The following PCDH7 variants were observed in gnomAD, a reference collection of about 807,000 sequenced individuals.
PCDH7 encodes the protein protocadherin 7.
PCDH7 carries 17 observed loss-of-function variants against 58.9 expected under a neutral mutation model. The observed-to-expected ratio is 0.29, with a 90% CI of 0.20 to 0.43. The LOEUF (loss-of-function observed/expected upper bound fraction) is 0.43, where lower values mean the gene tolerates loss of function less well. PCDH7 is among the 20% of genes least tolerant of loss of function. The probability of loss-of-function intolerance (pLI) is 1.00; values close to 1 mark genes in which losing one functional copy is unlikely to be tolerated. For synonymous variants in PCDH7, 664 were observed against 616.4 expected, an observed-to-expected ratio of 1.08 and a Z score of -1.14; for missense variants, 1,274 against 1,441.0, an observed-to-expected ratio of 0.88 and a Z score of 1.88.
At chr4:30,888,704 T>G (rs144769605) in intron 1 of PCDH7, among the ~76,000 whole-genome samples, 2 of 152,116 alleles carry the variant, frequency 1.3e-5, no homozygotes, top group African/African-American at 4.8e-5. Flanking sequence ...TGAAGTGATA[T>G]CTGAGATTTG....
chr4:30,944,293 T>G (rs909433699), intron 2 of PCDH7, among the ~76,000 whole-genome samples: 8 of 152,098 alleles, frequency 5.3e-5, no homozygotes, highest in Non-Finnish European at 1.5e-5. Flanking sequence ...TTCTTCTCAC[T>G]TTTTTTAAAT....
chr4:30,999,522 A>T (rs1169634229), intron 3 of PCDH7, among the ~76,000 whole-genome samples: 3 of 152,258 alleles, frequency 2.0e-5, no homozygotes, highest in South Asian at 4.1e-4. Flanking sequence ...TGAATAGAGC[A>T]TCCTTAATAC....
intron 1 of PCDH7, among the ~76,000 whole-genome samples, chr4:30,883,375 C>CT (rs779559641): frequency 8.5e-5 from 13 of 152,130 alleles, no homozygotes; most frequent in Non-Finnish European, 1.5e-4. Flanking sequence ...ACATGTATAA[C>CT]TTTTTTTGTT....
At chr4:30,866,706 A>T (rs975915678) in intron 1 of PCDH7, among the ~76,000 whole-genome samples, 1 of 152,096 alleles carries the variant, frequency 6.6e-6, no homozygotes, top group African/African-American at 2.4e-5. Context: ...GCAAAAAAAA[A>T]AAAAAAGTAT....
chr4:31,061,189 T>A (rs73218810), intron 3 of PCDH7, among the ~76,000 whole-genome samples: 10,463 of 151,790 alleles, frequency 0.069, 515 homozygotes, highest in Middle Eastern at 0.12. Flanking sequence ...GTCAGTGTTT[T>A]ACTTACAAGT....
chr4:30,934,285 T>A (rs1221354672), intron 2 of PCDH7, among the ~76,000 whole-genome samples: 1 of 14,388 alleles, frequency 7.0e-5, no homozygotes, highest in Non-Finnish European at 1.7e-4. Context: ...AAATTAGTTC[T>A]GTCAATTGCT....
At chr4:30,862,991 G>A (rs995751635) in intron 1 of PCDH7, among the ~76,000 whole-genome samples, 31 of 152,046 alleles carry the variant, frequency 2.0e-4, no homozygotes, top group African/African-American at 7.5e-4. Flanking sequence ...CAACAGATAA[G>A]TACTAAAGTA....
chr4:30,790,544 T>C (rs867911038), intron 1 of PCDH7, among the ~76,000 whole-genome samples: 1 of 152,198 alleles, frequency 6.6e-6, no homozygotes, highest in Non-Finnish European at 1.5e-5. Context: ...TTGCATTACT[T>C]AAGATGGGAA....
chr4:30,852,721 T>G (rs922641813), intron 1 of PCDH7, among the ~76,000 whole-genome samples: 3 of 150,348 alleles, frequency 2.0e-5, no homozygotes, highest in African/African-American at 7.4e-5. Flanking sequence ...CTGACAGAAT[T>G]CCAGCATTAT....
chr4:31,076,375 A>G (rs552993861), intron 3 of PCDH7, among the ~76,000 whole-genome samples: 1 of 152,356 alleles, frequency 6.6e-6, no homozygotes, highest in Admixed American at 6.5e-5. Flanking sequence ...TAAAAAAAGA[A>G]ACACATTTAA....
intron 3 of PCDH7, among the ~76,000 whole-genome samples, chr4:31,041,754 C>T (rs1427797237): frequency 6.6e-6 from 1 of 152,002 alleles, no homozygotes; most frequent in Non-Finnish European, 1.5e-5. Context: ...CAATATGCTT[C>T]TTTATGATGA....
Position 30,780,245 on chromosome 4 carries a change from C to T in PCDH7, c.70+55649C>T, listed in dbSNP as rs183917968. Among the ~76,000 whole-genome samples, 676 of 152,210 alleles carry T rather than the reference C, an allele frequency of 4.4e-3. 1 individual carries two copies. The highest frequency in any genetic ancestry group is 8.2e-3 in the Admixed American group (126 of 15,282). On this transcript the variant is annotated intron_variant, in intron 1 of 3. Coordinates refer to the PCDH7 transcript ENST00000509759. ...TTCTGGCCAGGCGGGGTGGCTGACG[C>T]CTGTAATCCTAGCACTTTGGGAGGT...
chr4:30,793,381 C>T (rs1724381069), intron 1 of PCDH7, among the ~76,000 whole-genome samples: 1 of 152,028 alleles, frequency 6.6e-6, no homozygotes. Flanking sequence ...TAGTAGTTAC[C>T]AAGCTGAAAT....
At chr4:30,933,265 T>C (rs1431530154) in intron 2 of PCDH7, among the ~76,000 whole-genome samples, 1 of 152,094 alleles carries the variant, frequency 6.6e-6, no homozygotes, top group Non-Finnish European at 1.5e-5. Flanking sequence ...GACCTCGTGA[T>C]CTGCCTGCCT....
chr4:30,737,831 A>C (rs1021360565), downstream of PCDH7, among the ~76,000 whole-genome samples: 2 of 152,214 alleles, frequency 1.3e-5, no homozygotes, highest in African/African-American at 4.8e-5. Context: ...GAAAAAATCC[A>C]GGTTAGTAGA....
rs139071882 is a variant in PCDH7 at position 30,870,492 on chromosome 4, T to G, written c.71-49661T>G. ...GAATTTTTAAAAAGAAGTTTAAAACTAGAATGTCTCATTTGGAAATTTTTG... is the reference window on the plus strand; with the variant it reads ...GAATTTTTAAAAAGAAGTTTAAAACGAGAATGTCTCATTTGGAAATTTTTG... On this transcript the variant is annotated intron_variant, in intron 1 of 3. Coordinates refer to the PCDH7 transcript ENST00000509759. Among the ~76,000 whole-genome samples the G allele has an allele frequency of 5.8e-3, 878 of 152,248 alleles. 8 individuals carry two copies. Among genetic ancestry groups the G allele is most frequent in the South Asian group, 0.022 (106 of 4,820 alleles).
chr4:31,133,099 T>TTCTGC (rs1411608887), intron 3 of PCDH7, among the ~76,000 whole-genome samples: 4 of 152,184 alleles, frequency 2.6e-5, no homozygotes, highest in African/African-American at 9.7e-5. Context: ...CACATGTAAT[T>TTCTGC]TCTGCTTGTT....
At chr4:30,765,125 C>CTGTTTTTTTTTTT (rs1720565122) in intron 1 of PCDH7, among the ~76,000 whole-genome samples, 1 of 49,198 alleles carries the variant, frequency 2.0e-5, no homozygotes, top group African/African-American at 7.5e-5. Flanking sequence ...ACTTCAGATG[C>CTGTTTTTTTTTTT]TTTTTTTTTT....
intron 3 of PCDH7, among the ~76,000 whole-genome samples, chr4:31,013,916 T>G (rs574968805): frequency 6.6e-6 from 1 of 152,294 alleles, no homozygotes; most frequent in South Asian, 2.1e-4. Flanking sequence ...TATTTTTTTC[T>G]TCCTGGGGAT....
Sources: allele counts gnomAD v4.1 joint callset (sites outside exome capture counted in the v4.1 genomes callset), GRCh38; gene constraint gnomAD v4.1.1; transcripts MANE v1.5; gene names NCBI Gene and HGNC (gene_info 2026-07-23, HGNC 2026-07-21).